The following RUNX1 variants were observed in gnomAD, a reference collection of about 807,000 sequenced individuals.
RUNX1 encodes RUNX family transcription factor 1, also known as runt-related transcription factor 1.
Under a neutral mutation model 42.8 loss-of-function variants are expected in RUNX1, and 19 were observed. The observed-to-expected ratio is 0.44, with a 90% CI of 0.31 to 0.65. The LOEUF is 0.65. Among genes scored for constraint, RUNX1 ranks in the 30% least tolerant of loss-of-function variants. The pLI is 0.07. For synonymous variants in RUNX1, 271 were observed against 289.4 expected (o/e 0.94, Z 0.64); for missense variants, 528 against 672.0 (o/e 0.79, Z 2.37).
At chr21:34,844,033 A>G (rs967079775) in intron 6 of RUNX1, among the ~76,000 whole-genome samples, 2 of 152,156 alleles carry the variant, frequency 1.3e-5, no homozygotes, top group African/African-American at 2.4e-5. Flanking sequence ...CTACCAGCCT[A>G]TAATCCCAAA....
chr21:34,892,016 G>A (rs942855951), intron 3 of RUNX1, among the ~76,000 whole-genome samples: 2 of 152,248 alleles, frequency 1.3e-5, no homozygotes, highest in East Asian at 3.9e-4. Context: ...CCCAAAATAT[G>A]CATAAAGATG....
chr21:34,873,207 C>A (rs2057765298), intron 5 of RUNX1, among the ~76,000 whole-genome samples: 1 of 152,202 alleles, frequency 6.6e-6, no homozygotes, highest in Admixed American at 6.5e-5. Context: ...GTGTTTCCAC[C>A]TCCAGAGATC....
intron 2 of RUNX1, among the ~76,000 whole-genome samples, chr21:34,997,779 T>C (rs2146859899): frequency 1.3e-5 from 2 of 152,344 alleles, no homozygotes; most frequent in South Asian, 4.1e-4. Context: ...GAAGGGGCCT[T>C]GCCAGGCACT....
chr21:34,877,798 T>C (rs1419705817), intron 5 of RUNX1, among the ~76,000 whole-genome samples: 1 of 152,192 alleles, frequency 6.6e-6, no homozygotes, highest in Non-Finnish European at 1.5e-5. Context: ...GCAGTTTCTA[T>C]GAGGTTTACA....
intron 2 of RUNX1, among the ~76,000 whole-genome samples, chr21:34,948,706 A>T (rs1459823229): frequency 6.6e-6 from 1 of 152,152 alleles, no homozygotes; most frequent in Non-Finnish European, 1.5e-5. Context: ...GCCCATCTCC[A>T]GGGTGCCTAA....
At position 34,792,672 on chromosome 21, in the gene RUNX1, TC is replaced by T; in HGVS notation, c.968-63del. The T allele has an allele frequency of 1.4e-6, 2 of 1,456,610 alleles. No homozygotes were observed. Among genetic ancestry groups the T allele is most frequent in the Admixed American group, 4.1e-5 (2 of 48,480 alleles). The allele number at this position is 1,456,610 out of a possible 1,614,324, so 90.2% of individuals were successfully genotyped here. ...AGGAGGTTGCGGAGGCCACAGCTCT[TC>T]CCTCTGCCCCAGGGGGCTACCCAGG... is the stretch of plus-strand genomic sequence containing the variant. On this transcript the variant is annotated intron_variant, in intron 8 of 8. Coordinates refer to ENST00000675419, the MANE Select transcript of RUNX1 (RefSeq NM_001754.5). This position sits in a 1 kb window ranked among gnomAD's most constrained non-coding sequence, Gnocchi z 6.9.
chr21:35,033,833 A>G (rs1230719326), intron 2 of RUNX1, among the ~76,000 whole-genome samples: 1 of 152,168 alleles, frequency 6.6e-6, no homozygotes, highest in Non-Finnish European at 1.5e-5. Flanking sequence ...GATGATCCCC[A>G]CTAGGAAAAG....
chr21:34,945,427 C>A (rs1170909788), intron 2 of RUNX1, among the ~76,000 whole-genome samples: 1 of 152,200 alleles, frequency 6.6e-6, no homozygotes, highest in Non-Finnish European at 1.5e-5. Context: ...CCTACCAACT[C>A]CTCCGCCACA....
intron 6 of RUNX1, among the ~76,000 whole-genome samples, chr21:34,849,870 T>C (rs2057392756): frequency 6.6e-6 from 1 of 151,506 alleles, no homozygotes; most frequent in African/African-American, 2.4e-5. Flanking sequence ...TAAATGCAGA[T>C]ATGGTGTAAG....
At chr21:34,872,794 C>T (rs1188749630) in intron 5 of RUNX1, among the ~76,000 whole-genome samples, 5 of 152,130 alleles carry the variant, frequency 3.3e-5, no homozygotes, top group African/African-American at 4.8e-5. Flanking sequence ...CTGGCCTCTA[C>T]TTACTAGATG....
intron 2 of RUNX1, among the ~76,000 whole-genome samples, chr21:34,959,437 G>C (rs138473870): frequency 2.1e-4 from 32 of 152,090 alleles, no homozygotes; most frequent in African/African-American, 7.2e-4. Flanking sequence ...CTAATACTAA[G>C]GCATGGAGAA....
rs57230115 is a variant in RUNX1, at chr21:34,894,880, AACACACACACACACACAC to A, written c.59-1935_59-1918del. On this transcript the variant is annotated intron_variant, in intron 2 of 8. Coordinates refer to ENST00000675419, the MANE Select transcript of RUNX1 (RefSeq NM_001754.5). Reference sequence around the variant, plus strand: ...TCACATCACTCTTGACCTACATAGAAACACACACACACACACACACACACACACACACACACACACACA... The same window carrying A: ...TCACATCACTCTTGACCTACATAGAAACACACACACACACACACACACACA... Among the ~76,000 whole-genome samples, 1,250 of 127,960 alleles carry A rather than the reference AACACACACACACACACAC, an allele frequency of 9.8e-3. 18 individuals carry two copies. Among genetic ancestry groups the A allele is most frequent in the African/African-American group, 0.036 (1,165 of 32,014 alleles). 83.9% of individuals were successfully genotyped at this position (127,960 alleles called of 152,430 possible). A position where few individuals can be genotyped will look rare whatever the true frequency, so the allele number is the denominator to read the frequency against.
chr21:34,987,887 A>C (rs1367619031), intron 2 of RUNX1, among the ~76,000 whole-genome samples: 1 of 152,202 alleles, frequency 6.6e-6, no homozygotes, highest in African/African-American at 2.4e-5. Flanking sequence ...GTGATGCCAG[A>C]GATCCAGGCT....
intron 5 of RUNX1, among the ~76,000 whole-genome samples, chr21:34,879,889 T>C (rs189207852): frequency 9.8e-5 from 15 of 152,344 alleles, no homozygotes; most frequent in African/African-American, 3.6e-4. Flanking sequence ...CACATGGAGC[T>C]GAAGTAATGC....
chr21:35,026,861 G>C (rs2059241145), intron 2 of RUNX1, among the ~76,000 whole-genome samples: 1 of 152,372 alleles, frequency 6.6e-6, no homozygotes, highest in Non-Finnish European at 1.5e-5. Context: ...CCGCAGCGAC[G>C]GAACTTCTGC....
intron 2 of RUNX1, among the ~76,000 whole-genome samples, chr21:35,037,797 G>A (rs116513427): frequency 4.6e-4 from 70 of 152,286 alleles, no homozygotes; most frequent in African/African-American, 1.6e-3. Flanking sequence ...AGTGCCTTGC[G>A]CATAGCATAT....
At chr21:34,959,383 G>T (rs2058667914) in intron 2 of RUNX1, among the ~76,000 whole-genome samples, 1 of 152,106 alleles carries the variant, frequency 6.6e-6, no homozygotes, top group African/African-American at 2.4e-5. Flanking sequence ...TCAAAATGGG[G>T]ATAACAATGT....
rs151161522 is a variant in RUNX1 at position 34,864,455 on chromosome 21, G to C, written c.509-4877C>G. Among the ~76,000 whole-genome samples, 465 of 152,346 alleles carry C rather than the reference G, an allele frequency of 3.1e-3. 4 individuals are homozygous for C. The highest frequency in any genetic ancestry group is 0.01 in the African/African-American group (431 of 41,580). On this transcript the variant is annotated intron_variant, in intron 5 of 8. Coordinates refer to ENST00000675419, the MANE Select transcript of RUNX1 (RefSeq NM_001754.5). The stretch of plus-strand genomic sequence containing the variant: ...TGGAAGGATGGGGCTGCTGCCGAGA[G>C]GGCCGGTGTTTCTGTTGGCAGCCTG...
rs113068635 is a variant in RUNX1 at position 35,010,625 on chromosome 21, GCACACA to G, written c.58+38211_58+38216del. Among the ~76,000 whole-genome samples, 987 of 143,698 alleles carry G rather than the reference GCACACA, an allele frequency of 6.9e-3. 7 individuals carry two copies. Among genetic ancestry groups the G allele is most frequent in the African/African-American group, 0.024 (935 of 39,444 alleles). 94.3% of individuals were successfully genotyped at this position (143,698 alleles called of 152,430 possible). ...CACACTACCGTGAGTACACACACAC[GCACACA>G]CACACACACACACACACACACTCAT... is the stretch of plus-strand genomic sequence containing the variant. On this transcript the variant is annotated intron_variant, in intron 2 of 8. Transcript: ENST00000675419.
Sources: allele counts gnomAD v4.1 joint callset (sites outside exome capture counted in the v4.1 genomes callset), GRCh38; gene constraint gnomAD v4.1.1; non-coding constraint Gnocchi (gnomAD v3.1); transcripts MANE v1.5; gene names NCBI Gene and HGNC (gene_info 2026-07-23, HGNC 2026-07-21).